The following PALM2AKAP2 variants were observed in gnomAD, a reference collection of about 807,000 sequenced individuals.
PALM2AKAP2 encodes PALM2 and AKAP2 fusion, also known as PALM2-AKAP2 fusion protein.
A neutral mutation model predicts 71.5 loss-of-function variants in PALM2AKAP2; 37 were observed. That is an observed-to-expected ratio of 0.52 (90% confidence interval 0.40 to 0.68). PALM2AKAP2 has a LOEUF of 0.68. PALM2AKAP2 is among the 30% of genes least tolerant of loss of function. The probability of loss-of-function intolerance (pLI) is 0.00; values close to 1 mark genes in which losing one functional copy is unlikely to be tolerated. For synonymous variants in PALM2AKAP2, 468 were observed against 478.8 expected, an observed-to-expected ratio of 0.98 and a Z score of 0.29; for missense variants, 1,224 against 1,191.8, an observed-to-expected ratio of 1.03 and a Z score of -0.40.
intron 6 of PALM2AKAP2, among the ~76,000 whole-genome samples, chr9:109,993,587 A>G (rs1832522660): frequency 2.0e-5 from 3 of 152,200 alleles, no homozygotes; most frequent in Admixed American, 6.5e-5. Context: ...CCAAAGGGAA[A>G]TTGGAGTGCT....
intron 1 of PALM2AKAP2, among the ~76,000 whole-genome samples, chr9:109,699,843 T>C (rs1828027236): frequency 6.6e-6 from 1 of 151,836 alleles, no homozygotes; most frequent in Non-Finnish European, 1.5e-5. Context: ...GGGCATGATC[T>C]CGGCTCACTG....
chr9:109,989,597 G>A (rs1222090577), intron 6 of PALM2AKAP2, among the ~76,000 whole-genome samples: 1 of 152,158 alleles, frequency 6.6e-6, no homozygotes, highest in Non-Finnish European at 1.5e-5. Context: ...CTCCAAATAG[G>A]TTATCTTCAA....
chr9:109,816,056 A>C (rs1263790446), intron 1 of PALM2AKAP2, among the ~76,000 whole-genome samples: 2 of 152,176 alleles, frequency 1.3e-5, no homozygotes, highest in East Asian at 3.8e-4. Flanking sequence ...TCCTGGGGAG[A>C]AAGTATCTTT....
At chr9:110,083,165 C>G (rs1313997302) in intron 1 of PALM2AKAP2, among the ~76,000 whole-genome samples, 1 of 151,968 alleles carries the variant, frequency 6.6e-6, no homozygotes, top group African/African-American at 2.4e-5. Context: ...AAACAAAAAA[C>G]AAAAACAATG....
chr9:109,785,848 G>A (rs560810413), intron 1 of PALM2AKAP2, among the ~76,000 whole-genome samples: 3 of 152,162 alleles, frequency 2.0e-5, no homozygotes, highest in Admixed American at 6.5e-5. Flanking sequence ...GCTTTGATAC[G>A]GGCTGAAACT....
At chr9:109,709,128 A>G (rs116877073) in intron 1 of PALM2AKAP2, among the ~76,000 whole-genome samples, 1 of 152,280 alleles carries the variant, frequency 6.6e-6, no homozygotes, top group East Asian at 1.9e-4. Flanking sequence ...GGGGAATCCA[A>G]ACAGATCCTG....
chr9:109,680,504 C>G (rs1377206742), intron 1 of PALM2AKAP2, among the ~76,000 whole-genome samples: 1 of 152,220 alleles, frequency 6.6e-6, no homozygotes, highest in Admixed American at 6.5e-5. Flanking sequence ...TAAACTTTTT[C>G]TGTGCCATGG....
At chr9:109,904,817 A>C (rs574263690) in intron 3 of PALM2AKAP2, among the ~76,000 whole-genome samples, 2 of 152,314 alleles carry the variant, frequency 1.3e-5, no homozygotes, top group South Asian at 4.1e-4. Flanking sequence ...TTTCAAGTGG[A>C]CTATCAGATC....
intron 6 of PALM2AKAP2, among the ~76,000 whole-genome samples, chr9:109,968,209 G>T (rs1191773388): frequency 2.6e-5 from 4 of 152,208 alleles, no homozygotes; most frequent in Non-Finnish European, 5.9e-5. Context: ...TCCTGCATTT[G>T]CTCAGAGGCC....
chr9:109,644,792 T>C (rs1186892503), intron 1 of PALM2AKAP2, among the ~76,000 whole-genome samples: 2 of 152,218 alleles, frequency 1.3e-5, no homozygotes, highest in African/African-American at 4.8e-5. Flanking sequence ...GCTGCCAGTT[T>C]CTTTGCTAAA....
chr9:109,659,634 T>C (rs1336910679), intron 1 of PALM2AKAP2, among the ~76,000 whole-genome samples: 1 of 152,200 alleles, frequency 6.6e-6, no homozygotes, highest in Non-Finnish European at 1.5e-5. Flanking sequence ...CAATGTATAG[T>C]AGAATTTTAT....
chr9:109,953,377 T>C (rs953314539), intron 6 of PALM2AKAP2, among the ~76,000 whole-genome samples: 4 of 152,144 alleles, frequency 2.6e-5, no homozygotes, highest in Non-Finnish European at 5.9e-5. Flanking sequence ...GCCATTGAGG[T>C]TACTGTCCTT....
chr9:109,823,674 C>T (rs4313220), intron 1 of PALM2AKAP2, among the ~76,000 whole-genome samples: 17,591 of 152,062 alleles, frequency 0.12, 1,623 homozygotes, highest in African/African-American at 0.25. Context: ...AGTTGGCTCT[C>T]CCTGTTACTG....
intron 1 of PALM2AKAP2, among the ~76,000 whole-genome samples, chr9:110,121,325 C>T (rs1218681796): frequency 6.6e-6 from 1 of 152,126 alleles, no homozygotes; most frequent in Admixed American, 6.5e-5. Context: ...GGTGACGGGG[C>T]TTGGAGGAGG....
intron 1 of PALM2AKAP2, among the ~76,000 whole-genome samples, chr9:109,833,069 T>G (rs1828351215): frequency 6.6e-6 from 1 of 152,034 alleles, no homozygotes; most frequent in African/African-American, 2.4e-5. Context: ...TAAGATGTAG[T>G]TCTCTGGCTA....
rs146398224 is a variant in PALM2AKAP2 at position 110,139,210 on chromosome 9, C to G, written c.2569+671C>G. Among the ~76,000 whole-genome samples, 189 of 152,274 alleles carry G rather than the reference C, an allele frequency of 1.2e-3. 1 individual carries two copies. Among genetic ancestry groups the G allele is most frequent in the African/African-American group, 4.4e-3 (181 of 41,536 alleles). Reference sequence around the variant, plus strand: ...GCAGGTCTTTAATCCCTTCATATTGCCTGGGTGGTCCCTTTTTTGAATACT... The same window carrying G: ...GCAGGTCTTTAATCCCTTCATATTGGCTGGGTGGTCCCTTTTTTGAATACT... On this transcript the variant is annotated intron_variant, in intron 2 of 3. Coordinates refer to ENST00000374525, the Ensembl canonical transcript of PALM2AKAP2.
chr9:109,850,197 G>A (rs567064646), intron 1 of PALM2AKAP2, among the ~76,000 whole-genome samples: 1 of 152,246 alleles, frequency 6.6e-6, no homozygotes, highest in South Asian at 2.1e-4. Context: ...ACTTGCTTAG[G>A]TCATGTTAAT....
chr9:110,135,323 AAG>A, intron 1 of PALM2AKAP2, among the ~76,000 whole-genome samples: 1 of 136,102 alleles, frequency 7.3e-6, no homozygotes, highest in East Asian at 2.0e-4. Context: ...AAAAAAAAAA[AAG>A]CCCTCAAGAC....
chr9:109,842,050 C>T (rs564591552), intron 1 of PALM2AKAP2, among the ~76,000 whole-genome samples: 5 of 151,984 alleles, frequency 3.3e-5, no homozygotes, highest in African/African-American at 1.2e-4. Flanking sequence ...GTCTAAACCC[C>T]ACTTGAAAAC....
Sources: gnomAD v4.1 joint callset for allele counts (sites outside exome capture counted in the v4.1 genomes callset) on GRCh38, gnomAD v4.1.1 for gene constraint, MANE v1.5 for transcripts, NCBI Gene and HGNC (gene_info 2026-07-23, HGNC 2026-07-21) for gene names.